The following COL26A1 variants were observed in gnomAD, a reference collection of about 807,000 sequenced individuals.
COL26A1 encodes collagen type XXVI alpha 1 chain, also known as collagen alpha-1(XXVI) chain.
Under a neutral mutation model 59.3 loss-of-function variants are expected in COL26A1, and 41 were observed. The ratio of observed to expected loss-of-function variants is 0.69; its 90% CI spans 0.54 to 0.90. The LOEUF (loss-of-function observed/expected upper bound fraction) is 0.90, where lower values mean the gene tolerates loss of function less well. Among genes scored for constraint, COL26A1 ranks in the 40% least tolerant of loss-of-function variants. COL26A1 has a pLI of 0.00. For missense variants in COL26A1, 612 were observed against 602.3 expected, an observed-to-expected ratio of 1.02 and a Z score of -0.17; for synonymous variants, 266 against 256.0, an observed-to-expected ratio of 1.04 and a Z score of -0.37.
chr7:101,393,905 C>T (rs1791792214), intron 1 of COL26A1, among the ~76,000 whole-genome samples: 1 of 151,956 alleles, frequency 6.6e-6, no homozygotes, highest in Non-Finnish European at 1.5e-5. Context: ...TGCCACTACA[C>T]CTGGCTAATT....
chr7:101,529,218 A>G (rs1314601529), intron 3 of COL26A1, among the ~76,000 whole-genome samples: 7 of 152,182 alleles, frequency 4.6e-5, no homozygotes, highest in Non-Finnish European at 8.8e-5. Flanking sequence ...CTTGTTTGTT[A>G]CATGCATAAT....
intron 3 of COL26A1, among the ~76,000 whole-genome samples, chr7:101,513,289 T>A (rs1362443663): frequency 6.6e-6 from 1 of 151,940 alleles, no homozygotes; most frequent in Non-Finnish European, 1.5e-5. Flanking sequence ...ATTACAGGCA[T>A]AAGCCACCAC....
intron 3 of COL26A1, among the ~76,000 whole-genome samples, chr7:101,469,422 C>G (rs2130455388): frequency 6.6e-6 from 1 of 152,122 alleles, no homozygotes; most frequent in Non-Finnish European, 1.5e-5. Flanking sequence ...GCTCCCACGT[C>G]AGATGCCGGC....
At chr7:101,454,896 T>C (rs908111743) in intron 3 of COL26A1, among the ~76,000 whole-genome samples, 2 of 152,156 alleles carry the variant, frequency 1.3e-5, no homozygotes, top group African/African-American at 4.8e-5. Flanking sequence ...GACCTAACCC[T>C]GTATTTCCCG....
At chr7:101,414,638 T>C (rs895513877) in intron 1 of COL26A1, among the ~76,000 whole-genome samples, 2 of 152,152 alleles carry the variant, frequency 1.3e-5, no homozygotes, top group Non-Finnish European at 2.9e-5. Flanking sequence ...GGTTTTGCCA[T>C]GTTGGCCAGG....
At chr7:101,463,107 C>T in intron 3 of COL26A1, among the ~76,000 whole-genome samples, 1 of 152,178 alleles carries the variant, frequency 6.6e-6, no homozygotes, top group East Asian at 1.9e-4. Context: ...CTAAGCTTAC[C>T]TTCTCTAAAT....
At chr7:101,540,259 C>T (rs1298176987) in intron 5 of COL26A1, among the ~76,000 whole-genome samples, 1 of 152,234 alleles carries the variant, frequency 6.6e-6, no homozygotes, top group African/African-American at 2.4e-5. Context: ...ACGATCTGGT[C>T]AGGTGCAGTG....
At chr7:101,513,544 C>T (rs373936089) in intron 3 of COL26A1, among the ~76,000 whole-genome samples, 3 of 151,826 alleles carry the variant, frequency 2.0e-5, no homozygotes, top group African/African-American at 4.8e-5. Context: ...GGGGTTTTGC[C>T]GTGTTGGCCA....
intron 3 of COL26A1, among the ~76,000 whole-genome samples, chr7:101,501,492 G>A (rs1794705923): frequency 6.6e-6 from 1 of 152,150 alleles, no homozygotes; most frequent in South Asian, 2.1e-4. Context: ...ATCTTCCCCT[G>A]CTTCTTCCAT....
chr7:101,509,712 C>G (rs1794882326), intron 3 of COL26A1, among the ~76,000 whole-genome samples: 1 of 152,104 alleles, frequency 6.6e-6, no homozygotes, highest in South Asian at 2.1e-4. Flanking sequence ...GCTTCCTGGC[C>G]TCTTTCAGCA....
At chr7:101,385,988 G>A (rs1428124899) in intron 1 of COL26A1, among the ~76,000 whole-genome samples, 1 of 152,194 alleles carries the variant, frequency 6.6e-6, no homozygotes, top group Non-Finnish European at 1.5e-5. Context: ...TGGGATTACA[G>A]GCGTGAGCCA....
In COL26A1 at chr7:101,558,263, A is replaced by G. The variant is rs1040871598; in HGVS notation, c.*733A>G. 6.6e-6 allele frequency: 1 copy of G among 152,246 alleles called. No individual in the cohort carries two copies. Among genetic ancestry groups the G allele is most frequent in the African/African-American group, 2.4e-5 (1 of 41,440 alleles). The allele number at this position is 152,246 out of a possible 1,614,324, so 9.4% of individuals were successfully genotyped here. ...AGGCCAGGGAGACCCTGAATAAATC[A>G]CTGCCAGCCATACGGACTTGAGGAC... On this transcript the variant is annotated 3_prime_UTR_variant, in exon 13 of 13. Transcript: ENST00000313669.
In COL26A1 at chr7:101,535,285, G is replaced by A. The variant is rs373839641; in HGVS notation, c.447+2142G>A. On this transcript the variant is annotated intron_variant, in intron 4 of 12. Coordinates refer to ENST00000313669, the MANE Select transcript of COL26A1 (RefSeq NM_001278563.3). ...TGAGTATAGGGGAAGATGTTGAGCC[G>A]GTAAGCTTCTGGCACCTGAGATTTT... Among the ~76,000 whole-genome samples, 67 of 152,288 alleles carry A rather than the reference G, an allele frequency of 4.4e-4. 3 individuals carry two copies. In the East Asian group the frequency reaches 4.4e-3, roughly 10 times the overall value.
At chr7:101,471,039 A>G (rs1409126818) in intron 3 of COL26A1, among the ~76,000 whole-genome samples, 1 of 152,128 alleles carries the variant, frequency 6.6e-6, no homozygotes, top group Non-Finnish European at 1.5e-5. Flanking sequence ...AATTTCAACA[A>G]AGACCAAATA....
chr7:101,407,343 C>T (rs1332230995), intron 1 of COL26A1, among the ~76,000 whole-genome samples: 1 of 152,166 alleles, frequency 6.6e-6, no homozygotes, highest in Non-Finnish European at 1.5e-5. Context: ...CCTGAGGAAC[C>T]TGTCCTCAAC....
intron 8 of COL26A1, among the ~76,000 whole-genome samples, chr7:101,548,909 C>T (rs1046891103): frequency 6.4e-4 from 98 of 152,156 alleles, no homozygotes; most frequent in Middle Eastern, 3.4e-3. Flanking sequence ...CCTTGCCTGC[C>T]GGGTCTCGGG....
chr7:101,405,208 A>G (rs1272020428), intron 1 of COL26A1, among the ~76,000 whole-genome samples: 1 of 152,134 alleles, frequency 6.6e-6, no homozygotes, highest in African/African-American at 2.4e-5. Flanking sequence ...GGGTGACGGA[A>G]CAGAGCGAGA....
Position 101,372,147 on chromosome 7 carries a change from G to A in COL26A1, c.158+8957G>A, listed in dbSNP as rs531610983. Among the ~76,000 whole-genome samples, 10 of 152,252 alleles carry A rather than the reference G, an allele frequency of 6.6e-5. No individual in the cohort carries two copies. In the South Asian group the frequency reaches 2.1e-3, roughly 32 times the overall value. On this transcript the variant is annotated intron_variant, in intron 1 of 12. Transcript: ENST00000313669. Reference sequence around the variant, plus strand: ...CGGGGGAGTTCCACAAATATATGAAGCCTTGGAATCTTTTTCTGGGGAGCA... The same window carrying A: ...CGGGGGAGTTCCACAAATATATGAAACCTTGGAATCTTTTTCTGGGGAGCA...
intron 3 of COL26A1, among the ~76,000 whole-genome samples, chr7:101,452,031 T>C (rs1452912022): frequency 2.0e-5 from 3 of 152,118 alleles, no homozygotes; most frequent in Non-Finnish European, 4.4e-5. Flanking sequence ...TTTACCAGTT[T>C]TGTATGAGTT....
Sources: gnomAD v4.1 joint callset for allele counts (sites outside exome capture counted in the v4.1 genomes callset) on GRCh38, gnomAD v4.1.1 for gene constraint, MANE v1.5 for transcripts, NCBI Gene and HGNC (gene_info 2026-07-23, HGNC 2026-07-21) for gene names.